The following PIEZO2 variants were observed in gnomAD, a reference collection of about 807,000 sequenced individuals.
The protein encoded by PIEZO2 is piezo-type mechanosensitive ion channel component 2.
PIEZO2 carries 172 observed loss-of-function variants against 337.3 expected under a neutral mutation model. That is an observed-to-expected ratio of 0.51 (90% CI 0.45 to 0.58). PIEZO2 has a LOEUF of 0.58. Among genes scored for constraint, PIEZO2 ranks in the 20% least tolerant of loss-of-function variants. The pLI is 0.00. For missense variants in PIEZO2, 3,028 were observed against 3,391.3 expected (o/e 0.89, Z 2.66); for synonymous variants, 1,251 against 1,228.5 (o/e 1.02, Z -0.38).
At chr18:11,072,580 T>C (rs888603824) in intron 1 of PIEZO2, among the ~76,000 whole-genome samples, 7 of 152,252 alleles carry the variant, frequency 4.6e-5, no homozygotes, top group African/African-American at 1.7e-4. Context: ...GTGCTTACTG[T>C]GTGACAAGCC....
chr18:10,689,400 G>T (rs1287277632), intron 49 of PIEZO2, among the ~76,000 whole-genome samples: 1 of 152,162 alleles, frequency 6.6e-6, no homozygotes, highest in Non-Finnish European at 1.5e-5. Context: ...GATATAGCAA[G>T]CAATATACCG....
In PIEZO2 at chr18:10,819,847, G is replaced by C. The variant is rs941115366; in HGVS notation, c.918-12573C>G. On this transcript the variant is annotated intron_variant, in intron 7 of 55. Transcript: ENST00000674853. This position sits in a 1 kb window ranked among gnomAD's most constrained non-coding sequence, Gnocchi z 4.3. The stretch of plus-strand genomic sequence containing the variant: ...AAGAGCATCCTCTAATATTTGTGTA[G>C]TGCAGGTCTGCTGGTGCAAAATTCT... 2.0e-5 allele frequency among the ~76,000 whole-genome samples: 3 copies of C among 152,162 alleles called. No homozygotes were observed. The highest frequency in any genetic ancestry group is 6.5e-5 in the Admixed American group (1 of 15,282).
Position 11,110,590 on chromosome 18 carries a change from G to T in PIEZO2, c.64+37935C>A, listed in dbSNP as rs2039700033. On this transcript the variant is annotated intron_variant, in intron 1 of 55. Transcript: ENST00000674853. The surrounding 1 kb of genome is among the most constrained non-coding windows in gnomAD (Gnocchi z 4.2). Reference sequence around the variant, plus strand: ...CTGCCACATAACGGTTCCTTCAGAGGTGGACGGTGGTGGGCAGGGGAGCAG... The same window carrying T: ...CTGCCACATAACGGTTCCTTCAGAGTTGGACGGTGGTGGGCAGGGGAGCAG... Among the ~76,000 whole-genome samples the T allele has an allele frequency of 1.3e-5, 2 of 152,188 alleles. No homozygotes were observed. Among genetic ancestry groups the T allele is most frequent in the South Asian group, 2.1e-4 (1 of 4,826 alleles).
intron 1 of PIEZO2, among the ~76,000 whole-genome samples, chr18:11,090,838 G>A (rs1029589274): frequency 4.2e-5 from 3 of 71,776 alleles, no homozygotes; most frequent in African/African-American, 1.8e-4. Flanking sequence ...GTGTGAACCC[G>A]GGGGGGCAAA....
intron 36 of PIEZO2, among the ~76,000 whole-genome samples, chr18:10,720,364 TGTGTGTGTG>T (rs2143941958): frequency 6.8e-4 from 1 of 1,480 alleles, no homozygotes; most frequent in Non-Finnish European, 1.0e-3. Context: ...ATATATATTC[TGTGTGTGTG>T]TGTGTGTGTG....
chr18:10,985,580 T>C (rs1236386277), intron 2 of PIEZO2, among the ~76,000 whole-genome samples: 1 of 152,076 alleles, frequency 6.6e-6, no homozygotes, highest in Non-Finnish European at 1.5e-5. Flanking sequence ...GGTGTTTTAA[T>C]TACTATAGCT....
rs2040694506 is a variant in PIEZO2, at chr18:11,142,879, C to T, written c.64+5646G>A. On this transcript the variant is annotated intron_variant, in intron 1 of 55. Transcript: ENST00000674853. Reference sequence around the variant, plus strand: ...GGATCACGAGGTCAGGAGATCGAGACCATCCTGGCTAACATGGTGAAACCC... The same window carrying T: ...GGATCACGAGGTCAGGAGATCGAGATCATCCTGGCTAACATGGTGAAACCC... Among the ~76,000 whole-genome samples the T allele has an allele frequency of 2.0e-5, 3 of 151,820 alleles. No individual in the cohort carries two copies. In the South Asian group the frequency reaches 6.2e-4, roughly 32 times the overall value.
chr18:11,136,273 A>G (rs548499837), intron 1 of PIEZO2, among the ~76,000 whole-genome samples: 1 of 152,364 alleles, frequency 6.6e-6, no homozygotes, highest in African/African-American at 2.4e-5. Flanking sequence ...TTGCAGCAAA[A>G]CTGATCATGC....
At chr18:11,095,291 G>T (rs1352851934) in intron 1 of PIEZO2, among the ~76,000 whole-genome samples, 1 of 152,132 alleles carries the variant, frequency 6.6e-6, no homozygotes, top group African/African-American at 2.4e-5. Flanking sequence ...AATCCAGTGA[G>T]AAATAAATAA....
Position 10,801,239 on chromosome 18 carries a change from A to AAAT in PIEZO2, c.1239+150_1239+151insATT, listed in dbSNP as rs2039802678. 5.1e-6 allele frequency: 3 copies of AAAT among 585,510 alleles called. No homozygotes were observed. The South Asian group carries it at 8.6e-5, about 17-fold the overall frequency. The allele number at this position is 585,510 out of a possible 1,614,324, so 36.3% of individuals were successfully genotyped here. On this transcript the variant is annotated intron_variant, in intron 10 of 55. Transcript: ENST00000674853. ...ATGATTATACTCAATTTCATTTAAC[A>AAAT]GCAATCTACCAGATATAATTTATGC... is the stretch of plus-strand genomic sequence containing the variant.
intron 3 of PIEZO2, among the ~76,000 whole-genome samples, chr18:10,959,312 T>G (rs1463024383): frequency 1.3e-5 from 2 of 152,206 alleles, no homozygotes; most frequent in African/African-American, 4.8e-5. Flanking sequence ...AGAGATTTCA[T>G]CAAAAACTTC....
intron 5 of PIEZO2, among the ~76,000 whole-genome samples, chr18:10,867,572 C>T (rs775851866): frequency 6.6e-6 from 1 of 152,124 alleles, no homozygotes; most frequent in Non-Finnish European, 1.5e-5. Context: ...TGCCTCTTTA[C>T]ACAGGCTAAG....
intron 1 of PIEZO2, among the ~76,000 whole-genome samples, chr18:11,144,748 C>CT (rs1338358717): frequency 6.6e-6 from 1 of 152,178 alleles, no homozygotes; most frequent in African/African-American, 2.4e-5. Flanking sequence ...CTGCTCTGCT[C>CT]TTTCCTAAGC....
chr18:10,922,272 TC>T (rs760543185), intron 3 of PIEZO2, among the ~76,000 whole-genome samples: 1 of 152,118 alleles, frequency 6.6e-6, no homozygotes, highest in Non-Finnish European at 1.5e-5. Flanking sequence ...TTGTACTCTG[TC>T]CCTTTATTTC....
intron 2 of PIEZO2, among the ~76,000 whole-genome samples, chr18:11,045,389 T>C (rs1302388675): frequency 2.6e-5 from 4 of 151,758 alleles, no homozygotes; most frequent in Non-Finnish European, 5.9e-5. Context: ...GCAAAATTAT[T>C]CAAGCCTGAA....
At position 10,716,333 on chromosome 18, in the gene PIEZO2, A is replaced by T. The variant is rs984294421; in HGVS notation, c.5090-517T>A. Among the ~76,000 whole-genome samples, 4 of 152,174 alleles carry T rather than the reference A, an allele frequency of 2.6e-5. No individual in the cohort carries two copies. The East Asian group carries it at 7.7e-4, about 29-fold the overall frequency. Reference sequence around the variant, plus strand: ...GATGGTCCACTTCCATTTACTGAATAGGAACTATATTTTCTTTCTGATTTT... The same window carrying T: ...GATGGTCCACTTCCATTTACTGAATTGGAACTATATTTTCTTTCTGATTTT... On this transcript the variant is annotated intron_variant, in intron 37 of 55. Coordinates refer to ENST00000674853, the MANE Select transcript of PIEZO2 (RefSeq NM_001378183.1). This position sits in a 1 kb window ranked among gnomAD's most constrained non-coding sequence, Gnocchi z 4.1.
At chr18:11,017,092 C>G (rs1982727) in intron 2 of PIEZO2, among the ~76,000 whole-genome samples, 1 of 151,944 alleles carries the variant, frequency 6.6e-6, no homozygotes, top group African/African-American at 2.4e-5. Context: ...TTTCTAGGGA[C>G]GAGGGATGAG....
chr18:10,814,115 C>T (rs2040284126), intron 7 of PIEZO2, among the ~76,000 whole-genome samples: 2 of 151,814 alleles, frequency 1.3e-5, no homozygotes, highest in Admixed American at 6.6e-5. Flanking sequence ...CTACAGGCGC[C>T]CACCACCACG....
intron 1 of PIEZO2, among the ~76,000 whole-genome samples, chr18:11,115,396 G>C (rs946215793): frequency 3.9e-5 from 6 of 152,098 alleles, no homozygotes; most frequent in Middle Eastern, 6.3e-3. Context: ...AAATTCTTCT[G>C]AGGTCATGAA....
Sources: allele counts gnomAD v4.1 joint callset (sites outside exome capture counted in the v4.1 genomes callset), GRCh38; gene constraint gnomAD v4.1.1; non-coding constraint Gnocchi (gnomAD v3.1); transcripts MANE v1.5; gene names NCBI Gene and HGNC (gene_info 2026-07-23, HGNC 2026-07-21).